The following GALNTL6 variants were observed in gnomAD, a reference collection of about 807,000 sequenced individuals.
GALNTL6 encodes polypeptide N-acetylgalactosaminyltransferase like 6, also known as polypeptide N-acetylgalactosaminyltransferase-like 6.
Under a neutral mutation model 73.7 loss-of-function variants are expected in GALNTL6, and 46 were observed. The observed-to-expected ratio is 0.62, with a 90% CI of 0.49 to 0.80. The LOEUF (loss-of-function observed/expected upper bound fraction) is 0.80, where lower values mean the gene tolerates loss of function less well. GALNTL6 is among the 30% of genes least tolerant of loss of function. GALNTL6 has a pLI of 0.00. For missense variants in GALNTL6, 604 were observed against 755.0 expected, an observed-to-expected ratio of 0.80 and a Z score of 2.34; for synonymous variants, 259 against 263.7, an observed-to-expected ratio of 0.98 and a Z score of 0.17.
At chr4:172,295,927 TTACTA>T (rs1156278285) in intron 3 of GALNTL6, among the ~76,000 whole-genome samples, 4 of 152,162 alleles carry the variant, frequency 2.6e-5, no homozygotes, top group African/African-American at 9.7e-5. Flanking sequence ...TATTTTTTCT[TTACTA>T]TATACATATA....
At chr4:172,793,473 A>G (rs781260735) in intron 5 of GALNTL6, among the ~76,000 whole-genome samples, 2 of 152,162 alleles carry the variant, frequency 1.3e-5, no homozygotes, top group Admixed American at 6.5e-5. Context: ...CAGCACGCCA[A>G]CTCACTGCAG....
intron 2 of GALNTL6, among the ~76,000 whole-genome samples, chr4:172,077,661 A>G (rs1234587713): frequency 1.3e-5 from 2 of 152,234 alleles, no homozygotes; most frequent in African/African-American, 2.4e-5. Context: ...GGGAAACAGC[A>G]TAAAAGTTTG....
chr4:172,865,418 TG>T (rs1744612202), intron 7 of GALNTL6, among the ~76,000 whole-genome samples: 1 of 152,230 alleles, frequency 6.6e-6, no homozygotes, highest in Non-Finnish European at 1.5e-5. Context: ...ACATCTGGTT[TG>T]GATGACTTTT....
At chr4:172,642,750 T>C (rs1391826992) in intron 5 of GALNTL6, among the ~76,000 whole-genome samples, 1 of 151,980 alleles carries the variant, frequency 6.6e-6, no homozygotes, top group Non-Finnish European at 1.5e-5. Context: ...TGTGAGGTAA[T>C]GCATATGTTA....
intron 2 of GALNTL6, among the ~76,000 whole-genome samples, chr4:172,086,823 C>T (rs1029559269): frequency 6.6e-6 from 1 of 152,248 alleles, no homozygotes; most frequent in East Asian, 1.9e-4. Flanking sequence ...ACCTATTTCC[C>T]TTTCCTATTT....
intron 2 of GALNTL6, among the ~76,000 whole-genome samples, chr4:171,829,963 T>A (rs1579490604): frequency 6.6e-6 from 1 of 152,146 alleles, no homozygotes; most frequent in African/African-American, 2.4e-5. Flanking sequence ...ATCACAAGTC[T>A]TCTTACAAAA....
intron 3 of GALNTL6, among the ~76,000 whole-genome samples, chr4:172,278,995 T>C (rs1174851022): frequency 1.3e-5 from 2 of 152,172 alleles, no homozygotes. Flanking sequence ...CAAATGGTTT[T>C]GGGAAAATTG....
chr4:172,974,811 G>T (rs1750733791), intron 10 of GALNTL6, among the ~76,000 whole-genome samples: 1 of 152,242 alleles, frequency 6.6e-6, no homozygotes. Context: ...CAGCAGGGCA[G>T]GCAGCTCCAG....
intron 5 of GALNTL6, among the ~76,000 whole-genome samples, chr4:172,790,788 G>A (rs1739948980): frequency 6.6e-6 from 1 of 151,478 alleles, no homozygotes; most frequent in African/African-American, 2.4e-5. Flanking sequence ...CAGCTACTCA[G>A]AGGCTGAGGC....
chr4:172,310,954 T>C (rs1050516051), intron 3 of GALNTL6, among the ~76,000 whole-genome samples: 1 of 152,060 alleles, frequency 6.6e-6, no homozygotes, highest in East Asian at 1.9e-4. Context: ...CATTTCACAA[T>C]GAAGGAAATA....
At chr4:172,895,384 T>TTATA (rs200533676) in intron 8 of GALNTL6, among the ~76,000 whole-genome samples, 18 of 118,012 alleles carry the variant, frequency 1.5e-4, no homozygotes, top group African/African-American at 5.6e-4. Flanking sequence ...AGTGTTTTTG[T>TTATA]TATATATATA....
At chr4:172,052,444 G>A in intron 2 of GALNTL6, 2 of 1,534,920 alleles carry the variant, frequency 1.3e-6, no homozygotes, top group Non-Finnish European at 1.7e-6. Context: ...TCACCAGCCA[G>A]ATGAGAGCCA....
intron 5 of GALNTL6, among the ~76,000 whole-genome samples, chr4:172,717,018 G>T (rs573248002): frequency 6.6e-6 from 1 of 152,048 alleles, no homozygotes; most frequent in Admixed American, 6.6e-5. Context: ...ACAAAATTTT[G>T]TGGATGCCCC....
intron 2 of GALNTL6, among the ~76,000 whole-genome samples, chr4:171,907,626 T>C (rs1374150485): frequency 4.6e-5 from 7 of 151,064 alleles, no homozygotes; most frequent in African/African-American, 1.2e-4. Flanking sequence ...ACTTTCTTCA[T>C]AGAATTGGAA....
chr4:172,699,344 A>G (rs928989510), intron 5 of GALNTL6, among the ~76,000 whole-genome samples: 11 of 152,178 alleles, frequency 7.2e-5, no homozygotes, highest in African/African-American at 2.2e-4. Flanking sequence ...GTGTGTGTGT[A>G]TATGTGTATC....
At chr4:172,916,184 C>CA (rs1337301532) in intron 8 of GALNTL6, among the ~76,000 whole-genome samples, 7 of 152,114 alleles carry the variant, frequency 4.6e-5, no homozygotes, top group Non-Finnish European at 1.0e-4. Flanking sequence ...AGGCCTTTGA[C>CA]AAAATTCAAC....
intron 2 of GALNTL6, among the ~76,000 whole-genome samples, chr4:171,822,179 C>T (rs1734704179): frequency 6.6e-6 from 1 of 151,594 alleles, no homozygotes; most frequent in South Asian, 2.1e-4. Flanking sequence ...CTGGATTATT[C>T]GAGGAGAAAA....
chr4:172,770,202 G>A (rs1477531235), intron 5 of GALNTL6, among the ~76,000 whole-genome samples: 1 of 151,800 alleles, frequency 6.6e-6, no homozygotes, highest in Non-Finnish European at 1.5e-5. Context: ...GGAGGCGGAG[G>A]TTGCATTGAG....
rs895167686 is a variant in GALNTL6, at chr4:172,063,275, T to A, written c.139-166381T>A. ...AGGAAAGAGTAGTTTCTCAATATAA[T>A]CTTTCACATTCATGTTTCAATATAG... On this transcript the variant is annotated intron_variant, in intron 2 of 12. Coordinates refer to ENST00000506823, the MANE Select transcript of GALNTL6 (RefSeq NM_001034845.3). 2.6e-5 allele frequency among the ~76,000 whole-genome samples: 4 copies of A among 152,194 alleles called. No individual in the cohort carries two copies. The South Asian group carries it at 6.2e-4, about 24-fold the overall frequency.
Sources: allele counts gnomAD v4.1 joint callset (sites outside exome capture counted in the v4.1 genomes callset), GRCh38; gene constraint gnomAD v4.1.1; transcripts MANE v1.5; gene names NCBI Gene and HGNC (gene_info 2026-07-23, HGNC 2026-07-21).